TMEM259: variants seen among roughly 807,000 people sequenced by gnomAD.
TMEM259 encodes the protein transmembrane protein 259.
A neutral mutation model predicts 46.7 loss-of-function variants in TMEM259; 26 were observed. That is an observed-to-expected ratio of 0.56 (90% CI 0.41 to 0.77). TMEM259 has a LOEUF of 0.77. TMEM259 is among the 30% of genes least tolerant of loss of function. The pLI is 0.00. For missense variants in TMEM259, 930 were observed against 900.5 expected, an observed-to-expected ratio of 1.03 and a Z score of -0.42; for synonymous variants, 494 against 395.1, an observed-to-expected ratio of 1.25 and a Z score of -2.97.
At chr19:1,011,039 C>T in intron 10 of TMEM259, 57 bp downstream of exon 10, 1 of 1,554,512 alleles carries the variant, frequency 6.4e-7, no homozygotes, top group Non-Finnish European at 8.7e-7. Flanking sequence ...CGGCTGCAGC[C>T]TCTCCTGCCT....
chr19:1,011,149 A>C lies in TMEM259; in HGVS notation c.1264T>G (p.Phe422Val). ...HFAFYAYHYR[F>V]NGQYSSLALV... ...GCCAGGCTGCTATACTGCCCATTGAAGCGGTAGTGATAGGCATAGAAGGCG... is the reference window on the plus strand; with the variant it reads ...GCCAGGCTGCTATACTGCCCATTGACGCGGTAGTGATAGGCATAGAAGGCG... Residue 422 changes from phenylalanine to valine, a missense_variant, in exon 10 of 11, where the codon TTC becomes GTC. Phe to Val is a conservative substitution (Grantham distance 50, BLOSUM62 -1). Transcript: ENST00000356663. 1.2e-6 allele frequency: 2 copies of C among 1,605,846 alleles called. No homozygotes were observed. Among genetic ancestry groups the C allele is most frequent in the Non-Finnish European group, 1.7e-6 (2 of 1,175,974 alleles).
intron 1 of TMEM259, among the ~76,000 whole-genome samples, chr19:1,017,783 C>G (rs737692): frequency 0.23 from 34,252 of 152,048 alleles, 4,029 homozygotes; most frequent in African/African-American, 0.31. Context: ...GACGGACACA[C>G]AAGCCCGCGG....
rs369905523 is a variant in TMEM259, at chr19:1,011,729, C to T, written c.1000+12G>A. The T allele has an allele frequency of 2.0e-3, 3,130 of 1,540,226 alleles. 6 individuals carry two copies. The highest frequency in any genetic ancestry group is 2.5e-3 in the Admixed American group (124 of 49,518). The stretch of plus-strand genomic sequence containing the variant: ...GGACGCCCGCCCCGCCCTGCGCCGG[C>T]GGGACACTCACCGATGAAGACGAAG... On this transcript the variant is annotated intron_variant, in intron 7 of 10. Transcript: ENST00000356663.
chr19:1,017,318 G>A lies in TMEM259; in HGVS notation c.226-2845C>T, dbSNP rs543320011. 3.8e-4 allele frequency: 150 copies of A among 399,468 alleles called. 1 individual carries two copies. Among genetic ancestry groups the A allele is most frequent in the African/African-American group, 2.1e-3 (100 of 48,694 alleles). 24.7% of individuals were successfully genotyped at this position (399,468 alleles called of 1,614,324 possible). A position where few individuals can be genotyped will look rare whatever the true frequency, so the allele number is the denominator to read the frequency against. On this transcript the variant is annotated intron_variant, in intron 1 of 10. Coordinates refer to ENST00000356663, the MANE Select transcript of TMEM259 (RefSeq NM_001033026.2). ...ATGGGCCCCTGGCCACCCTCTGCCC[G>A]CAACCTGGCTCAGCCACTCGCATGC...
rs888193443 is a variant in TMEM259 at position 1,011,696 on chromosome 19, G to A, written c.1001-33C>T. The A allele has an allele frequency of 1.2e-5, 18 of 1,531,414 alleles. No individual in the cohort carries two copies. In the African/African-American group the frequency reaches 1.5e-4, roughly 13 times the overall value. The allele number at this position is 1,531,414 out of a possible 1,614,324, so 94.9% of individuals were successfully genotyped here. A position where few individuals can be genotyped will look rare whatever the true frequency, so the allele number is the denominator to read the frequency against. Reference sequence around the variant, plus strand: ...CACAGGGCGGCGGGCGCCCGGTGAGGGCCTGGAGGACGCCCGCCCCGCCCT... The same window carrying A: ...CACAGGGCGGCGGGCGCCCGGTGAGAGCCTGGAGGACGCCCGCCCCGCCCT... On this transcript the variant is annotated intron_variant, in intron 7 of 10. Coordinates refer to ENST00000356663, the MANE Select transcript of TMEM259 (RefSeq NM_001033026.2).
In TMEM259 at chr19:1,010,915, A is replaced by G; in HGVS notation, c.1318-20T>C. 6.3e-7 allele frequency: 1 copy of G among 1,580,948 alleles called. No homozygotes were observed. Among genetic ancestry groups the G allele is most frequent in the South Asian group, 1.1e-5 (1 of 88,952 alleles). Reference sequence around the variant, plus strand: ...GGAATGCTGCGGGAGGGAGAGTGGGAGTCAGGACGGGCCCGCCCCTGCCCC... The same window carrying G: ...GGAATGCTGCGGGAGGGAGAGTGGGGGTCAGGACGGGCCCGCCCCTGCCCC... On this transcript the variant is annotated intron_variant, in intron 10 of 10. Coordinates refer to ENST00000356663, the MANE Select transcript of TMEM259 (RefSeq NM_001033026.2).
Position 1,009,957 on chromosome 19 carries a change from AG to A in TMEM259, c.*392del, listed in dbSNP as rs1252634412. ...GGGAGCACCAGGCAGAGCCGGGCTG[AG>A]GCCGGCCGGCACTAGGGCGCGAGGC... On this transcript the variant is annotated 3_prime_UTR_variant, in exon 11 of 11. Coordinates refer to ENST00000356663, the MANE Select transcript of TMEM259 (RefSeq NM_001033026.2). 3.2e-6 allele frequency: 1 copy of A among 315,384 alleles called. No individual in the cohort carries two copies. Among genetic ancestry groups the A allele is most frequent in the African/African-American group, 2.2e-5 (1 of 45,868 alleles). 19.5% of individuals were successfully genotyped at this position (315,384 alleles called of 1,614,324 possible).
At chr19:1,012,286 G>A (rs1446965740) in intron 4 of TMEM259, 98 bp from the exon 5 acceptor site, 3 of 1,514,598 alleles carry the variant, frequency 2.0e-6, no homozygotes, top group Middle Eastern at 2.4e-4. Context: ...CCTGCTTCCT[G>A]GCCCTGCCCA....
Position 1,020,860 on chromosome 19 carries a change from T to TCTTGAAGACC in TMEM259, c.136_137insGGTCTTCAAG (p.His46ArgfsTer61). The TCTTGAAGACC allele has an allele frequency of 7.6e-7, 1 of 1,314,396 alleles. No homozygotes were observed. The highest frequency in any genetic ancestry group is 9.7e-7 in the Non-Finnish European group (1 of 1,028,282). 81.4% of individuals were successfully genotyped at this position (1,314,396 alleles called of 1,614,324 possible). A position where few individuals can be genotyped will look rare whatever the true frequency, so the allele number is the denominator to read the frequency against. Reference sequence around the variant, plus strand: ...GACAGCCATCTTGAAGAACAGCGCGTGGAAGAGCCGGTCGCGCACGTTGAT... The same window carrying TCTTGAAGACC: ...GACAGCCATCTTGAAGAACAGCGCGTCTTGAAGACCGGAAGAGCCGGTCGCGCACGTTGAT... On this transcript the variant is annotated frameshift_variant, in exon 1 of 11. Transcript: ENST00000356663. LOFTEE classifies it high-confidence loss of function. The surrounding 1 kb of genome is among the most constrained non-coding windows in gnomAD (Gnocchi z 4.0).
intron 1 of TMEM259, among the ~76,000 whole-genome samples, chr19:1,018,309 A>G (rs2039176526): frequency 1.3e-5 from 2 of 152,154 alleles, no homozygotes; most frequent in African/African-American, 2.4e-5. Context: ...ACTGCCTGGC[A>G]TTTCCTAAAG....
At chr19:1,018,280 T>C (rs2039175306) in intron 1 of TMEM259, among the ~76,000 whole-genome samples, 1 of 152,164 alleles carries the variant, frequency 6.6e-6, no homozygotes, top group East Asian at 1.9e-4. Flanking sequence ...TGCCGCCTCC[T>C]CTCTCCCCAG....
intron 3 of TMEM259, among the ~76,000 whole-genome samples, chr19:1,012,985 G>A (rs894827431): frequency 6.6e-6 from 1 of 152,188 alleles, no homozygotes; most frequent in Non-Finnish European, 1.5e-5. Flanking sequence ...GCTCAGAGCC[G>A]AAGGGATCCA....
chr19:1,014,263 T>C lies in TMEM259; in HGVS notation c.436A>G (p.Ser146Gly). The C allele has an allele frequency of 1.9e-6, 3 of 1,613,204 alleles. No individual in the cohort carries two copies. The highest frequency in any genetic ancestry group is 1.3e-5 in the African/African-American group (1 of 75,068). ...TCCTCATCTTCCATGTCCAGGTTGCTGCCTGGTTCCACGGCCAGGCCCGGG... is the reference window on the plus strand; with the variant it reads ...TCCTCATCTTCCATGTCCAGGTTGCCGCCTGGTTCCACGGCCAGGCCCGGG... ...SFPGLAVEPG[S>G]NLDMEDEEEE... The change falls in exon 2 of 11, where the codon AGC (serine) becomes GGC (glycine). Residue 146 changes from serine to glycine, a missense_variant. Physicochemically the swap from Ser to Gly is moderately conservative, Grantham distance 56. Coordinates refer to ENST00000356663, the MANE Select transcript of TMEM259 (RefSeq NM_001033026.2).
chr19:1,012,513 G>A lies in TMEM259; in HGVS notation c.668C>T (p.Ser223Leu), dbSNP rs1332615817. 5.6e-6 allele frequency: 9 copies of A among 1,600,896 alleles called. No homozygotes were observed. Among genetic ancestry groups the A allele is most frequent in the Admixed American group, 1.7e-5 (1 of 58,602 alleles). Residue 223 changes from serine (S) to leucine (L), a missense_variant, in exon 4 of 11, where the codon TCG (serine) becomes TTG (leucine). Coordinates refer to ENST00000356663, the MANE Select transcript of TMEM259 (RefSeq NM_001033026.2). ...GCTCAGGCGCTGGCGGGTGGCCTGC[G>A]ACAGGCGAAGGAAGCCATACTCTAG... ...YSLEYGFLRLSQATRQRLSIP... is the reference protein window; with the variant it reads ...YSLEYGFLRLLQATRQRLSIP...
At position 1,020,659 on chromosome 19, in the gene TMEM259, G is replaced by T; in HGVS notation, c.225+113C>A. On this transcript the variant is annotated intron_variant, in intron 1 of 10. Transcript: ENST00000356663. The surrounding 1 kb of genome is among the most constrained non-coding windows in gnomAD (Gnocchi z 4.0). The stretch of plus-strand genomic sequence containing the variant: ...TAGGGCCGGGTATAGGCCTCAGGGT[G>T]CAGGGTGGCGCTCGCTGTCCCCAGC... The T allele has an allele frequency of 1.4e-6, 1 of 712,634 alleles. No individual in the cohort carries two copies. Among genetic ancestry groups the T allele is most frequent in the Non-Finnish European group, 2.0e-6 (1 of 506,176 alleles). 44.1% of individuals were successfully genotyped at this position (712,634 alleles called of 1,614,324 possible). A position where few individuals can be genotyped will look rare whatever the true frequency, so the allele number is the denominator to read the frequency against.
At chr19:1,012,674 C>G in intron 3 of TMEM259, 101 bp from the exon 4 acceptor site, 1 of 1,463,696 alleles carries the variant, frequency 6.8e-7, no homozygotes, top group East Asian at 2.5e-5. Flanking sequence ...GTGAGACCTG[C>G]TGAGCCCTGG....
rs1379536926 is a variant in TMEM259, at chr19:1,021,064, C to T, written c.-68G>A. ...GCGCCTCCCGGCCGCCATCGGCCGC[C>T]CTCGCAGCCGCCGCTCTCCTCACGG... On this transcript the variant is annotated 5_prime_UTR_variant, in exon 1 of 11. Transcript: ENST00000356663. 8 of 1,274,662 alleles carry T rather than the reference C, an allele frequency of 6.3e-6. No individual in the cohort carries two copies. Among genetic ancestry groups the T allele is most frequent in the Middle Eastern group, 3.1e-4 (1 of 3,254 alleles). 79.0% of individuals were successfully genotyped at this position (1,274,662 alleles called of 1,614,324 possible).
intron 1 of TMEM259, among the ~76,000 whole-genome samples, chr19:1,018,965 G>A (rs2039197515): frequency 6.7e-6 from 1 of 150,038 alleles, no homozygotes; most frequent in Non-Finnish European, 1.5e-5. Context: ...TCCAGCCTGG[G>A]TGACAGAGCA....
intron 1 of TMEM259, among the ~76,000 whole-genome samples, chr19:1,018,910 C>T (rs143956558): frequency 0.013 from 1,949 of 151,798 alleles, 13 homozygotes; most frequent in Non-Finnish European, 0.021. Context: ...ATTGCTTGAA[C>T]CCAGGAGGTG....
Sources: gnomAD v4.1 joint callset for allele counts (sites outside exome capture counted in the v4.1 genomes callset) on GRCh38, gnomAD v4.1.1 for gene constraint, Gnocchi (gnomAD v3.1) non-coding constraint, MANE v1.5 for transcripts, NCBI Gene and HGNC (gene_info 2026-07-23, HGNC 2026-07-21) for gene names.